Variants in TMEM116 observed in about 807,000 individuals in gnomAD.
TMEM116 encodes transmembrane protein 116.
A neutral mutation model predicts 44.3 loss-of-function variants in TMEM116; 38 were observed. The observed-to-expected ratio is 0.86, with a 90% CI of 0.66 to 1.12. The LOEUF (loss-of-function observed/expected upper bound fraction) is 1.12. Among genes scored for constraint, TMEM116 ranks in the 50% most tolerant of loss-of-function variants. The pLI is 0.00. For synonymous variants in TMEM116, 132 were observed against 144.8 expected (o/e 0.91, Z 0.64); for missense variants, 354 against 401.7 (o/e 0.88, Z 1.01).
intron 4 of TMEM116, among the ~76,000 whole-genome samples, chr12:111,956,680 G>C (rs915027093): frequency 6.6e-6 from 1 of 152,178 alleles, no homozygotes; most frequent in Non-Finnish European, 1.5e-5. Context: ...CACCTGACTG[G>C]TTTTCGTATT....
At chr12:111,969,100 C>T (rs2075165392) in intron 4 of TMEM116, among the ~76,000 whole-genome samples, 2 of 151,140 alleles carry the variant, frequency 1.3e-5, no homozygotes, top group Non-Finnish European at 3.0e-5. Context: ...GCGGGTGGAT[C>T]ACCTGGGGTC....
At chr12:111,966,662 C>G (rs2075003890) in intron 4 of TMEM116, among the ~76,000 whole-genome samples, 1 of 152,166 alleles carries the variant, frequency 6.6e-6, no homozygotes, top group Non-Finnish European at 1.5e-5. Flanking sequence ...ATCTCCTAAC[C>G]TGTTGTTCAG....
Position 111,965,400 on chromosome 12 carries a change from G to C in TMEM116, c.211-22031C>G, listed in dbSNP as rs1593429169. On this transcript the variant is annotated intron_variant, in intron 4 of 10. Coordinates refer to ENST00000552374, the MANE Select transcript of TMEM116 (RefSeq NM_001193531.2). ...AATAAAAATCATCCATTTATAAGGA[G>C]AGTACATATTTCTGTCTTGGTCTCC... 2.0e-5 allele frequency among the ~76,000 whole-genome samples: 3 copies of C among 152,236 alleles called. No individual in the cohort carries two copies. In the South Asian group the frequency reaches 6.2e-4, roughly 32 times the overall value.
At chr12:111,963,054 G>T (rs2074711255) in intron 4 of TMEM116, among the ~76,000 whole-genome samples, 1 of 151,902 alleles carries the variant, frequency 6.6e-6, no homozygotes, top group Non-Finnish European at 1.5e-5. Flanking sequence ...ACAAACATAT[G>T]AAAAAAAGCT....
Position 111,943,302 on chromosome 12 carries a change from A to C in TMEM116, c.278T>G (p.Met93Arg), listed in dbSNP as rs543873887. The C allele has an allele frequency of 6.2e-7, 1 of 1,614,052 alleles. No individual in the cohort carries two copies. Among genetic ancestry groups the C allele is most frequent in the African/African-American group, 1.3e-5 (1 of 75,030 alleles). ...YIWYLYTELR[M>R]KHTQSGQSTS... ...GCTCTGTCCACTCTGGGTGTGTTTC[A>C]TCCTCAGCTCTGTGTACAAATACCA... Residue 93 changes from methionine (M) to arginine (R), a missense_variant, in exon 5 of 11, where the codon ATG (methionine) becomes AGG (arginine). Met to Arg is a moderately conservative substitution (Grantham distance 91). Coordinates refer to ENST00000552374, the MANE Select transcript of TMEM116 (RefSeq NM_001193531.2).
intron 4 of TMEM116, among the ~76,000 whole-genome samples, chr12:111,966,487 T>C (rs529231003): frequency 7.9e-5 from 12 of 152,250 alleles, no homozygotes; most frequent in African/African-American, 2.9e-4. Context: ...CAAGAAAATG[T>C]TTTCCTAAGG....
chr12:111,960,384 T>C (rs12305655), intron 4 of TMEM116, among the ~76,000 whole-genome samples: 29,505 of 148,148 alleles, frequency 0.2, 3,098 homozygotes, highest in Middle Eastern at 0.28. Context: ...ACCAGCTACT[T>C]GGAAGGCTGA....
At chr12:111,938,427 T>TACA (rs931256675) in intron 5 of TMEM116, among the ~76,000 whole-genome samples, 12 of 151,880 alleles carry the variant, frequency 7.9e-5, no homozygotes, top group South Asian at 2.1e-4. Flanking sequence ...TTCTAAAAAG[T>TACA]ACAACAACAA....
At chr12:111,962,900 T>G (rs1731956607) in intron 4 of TMEM116, among the ~76,000 whole-genome samples, 1 of 152,098 alleles carries the variant, frequency 6.6e-6, no homozygotes. Flanking sequence ...GGGAGAAAAT[T>G]TTTGCAATCT....
intron 4 of TMEM116, among the ~76,000 whole-genome samples, chr12:111,989,887 T>C (rs900785965): frequency 2.0e-5 from 3 of 152,162 alleles, no homozygotes; most frequent in Admixed American, 1.3e-4. Context: ...GGAATACATA[T>C]GTAAAAACTG....
chr12:111,982,923 C>T (rs2076023828), intron 4 of TMEM116, among the ~76,000 whole-genome samples: 1 of 152,152 alleles, frequency 6.6e-6, no homozygotes, highest in African/African-American at 2.4e-5. Flanking sequence ...TGGCCAATCA[C>T]AAGCTCACCA....
Position 111,940,557 on chromosome 12 carries a change from ATATATGTGTG to A in TMEM116, c.316-2357_316-2348del, listed in dbSNP as rs1202342038. 5.9e-4 allele frequency among the ~76,000 whole-genome samples: 74 copies of A among 125,892 alleles called. 1 individual carries two copies. The highest frequency in any genetic ancestry group is 3.1e-3 in the East Asian group (6 of 1,916). 82.6% of individuals were successfully genotyped at this position (125,892 alleles called of 152,430 possible). On this transcript the variant is annotated intron_variant, in intron 5 of 10. Transcript: ENST00000552374. ...TATATATATATATACACACACACATATATATGTGTGTATATATATATATATATCTTCGGCT... is the reference window on the plus strand; with the variant it reads ...TATATATATATATACACACACACATATATATATATATATATATCTTCGGCT...
At chr12:111,943,206 G>T in intron 5 of TMEM116, 59 bp downstream of exon 5, 1 of 1,339,508 alleles carries the variant, frequency 7.5e-7, no homozygotes, top group Non-Finnish European at 1.1e-6. Context: ...TTACAGGTAG[G>T]AGTCACCACA....
intron 4 of TMEM116, among the ~76,000 whole-genome samples, chr12:111,949,408 A>G (rs552947998): frequency 1.3e-5 from 2 of 152,332 alleles, no homozygotes; most frequent in Non-Finnish European, 2.9e-5. Flanking sequence ...CTAGAATGTC[A>G]TATTTAAATT....
At chr12:111,937,286 C>G in intron 6 of TMEM116, 43 bp from the exon 7 acceptor site, 1 of 1,446,194 alleles carries the variant, frequency 6.9e-7, no homozygotes, top group Non-Finnish European at 9.7e-7. Context: ...CACTCTTTTT[C>G]ATGCCCTTCC....
chr12:111,988,847 C>T (rs1452328844), intron 4 of TMEM116, among the ~76,000 whole-genome samples: 2 of 151,650 alleles, frequency 1.3e-5, no homozygotes, highest in Admixed American at 6.6e-5. Context: ...AAAAAATAAG[C>T]CAGGTGTGGT....
chr12:111,974,748 T>C (rs886300490), intron 4 of TMEM116, among the ~76,000 whole-genome samples: 3 of 151,852 alleles, frequency 2.0e-5, no homozygotes, highest in Admixed American at 6.6e-5. Context: ...TGATCATCCA[T>C]GTAGAAAAGC....
chr12:112,001,785 T>A (rs1315444700), intron 3 of TMEM116, among the ~76,000 whole-genome samples: 1 of 152,252 alleles, frequency 6.6e-6, no homozygotes, highest in African/African-American at 2.4e-5. Flanking sequence ...TGGCAGGCAA[T>A]GACAATACAG....
intron 4 of TMEM116, among the ~76,000 whole-genome samples, chr12:111,949,300 T>A (rs1400335254): frequency 6.6e-6 from 1 of 152,240 alleles, no homozygotes; most frequent in Non-Finnish European, 1.5e-5. Flanking sequence ...CTTATTCTTA[T>A]AACAATATAG....
Sources: gnomAD v4.1 joint callset for allele counts (sites outside exome capture counted in the v4.1 genomes callset) on GRCh38, gnomAD v4.1.1 for gene constraint, MANE v1.5 for transcripts, NCBI Gene and HGNC (gene_info 2026-07-23, HGNC 2026-07-21) for gene names.